Variants in DCUN1D4 observed in about 807,000 individuals in gnomAD.
DCUN1D4 encodes the protein DCN1-like protein 4.
Under a neutral mutation model 47.9 loss-of-function variants are expected in DCUN1D4, and 22 were observed. The ratio of observed to expected loss-of-function variants is 0.46; its 90% CI spans 0.33 to 0.66. The LOEUF (loss-of-function observed/expected upper bound fraction) is 0.66. Among genes scored for constraint, DCUN1D4 ranks in the 30% least tolerant of loss-of-function variants. DCUN1D4 has a pLI of 0.02. For missense variants in DCUN1D4, 301 were observed against 340.8 expected, an observed-to-expected ratio of 0.88 and a Z score of 0.92; for synonymous variants, 121 against 112.2, an observed-to-expected ratio of 1.08 and a Z score of -0.50.
upstream of DCUN1D4, among the ~76,000 whole-genome samples, chr4:51,841,864 G>A (rs1420336543): frequency 2.6e-5 from 4 of 151,774 alleles, no homozygotes; most frequent in Admixed American, 1.3e-4. Context: ...TGTGATTTGT[G>A]GTGTCACCTA....
At chr4:51,856,997 A>G (rs911550382) in intron 1 of DCUN1D4, among the ~76,000 whole-genome samples, 2 of 152,200 alleles carry the variant, frequency 1.3e-5, no homozygotes, top group South Asian at 2.1e-4. Flanking sequence ...ACTTCAGTTT[A>G]GGGACCATGT....
intron 3 of DCUN1D4, among the ~76,000 whole-genome samples, chr4:51,866,142 C>T (rs1725866934): frequency 6.6e-6 from 1 of 152,128 alleles, no homozygotes; most frequent in Admixed American, 6.5e-5. Context: ...CTAAGGGTCC[C>T]TTCACCTGAT....
At chr4:51,842,649 A>G (rs1286956826), upstream of DCUN1D4, among the ~76,000 whole-genome samples, 2 of 152,028 alleles carry the variant, frequency 1.3e-5, no homozygotes, top group Non-Finnish European at 2.9e-5. Context: ...GTGGCGGGAG[A>G]CCCGGCCGCG....
upstream of DCUN1D4, among the ~76,000 whole-genome samples, chr4:51,841,506 G>A (rs1721650260): frequency 6.6e-6 from 1 of 152,110 alleles, no homozygotes; most frequent in South Asian, 2.1e-4. Context: ...TGATCAATAA[G>A]GATGTTCTAT....
At chr4:51,866,458 A>T (rs1044744420) in intron 3 of DCUN1D4, among the ~76,000 whole-genome samples, 1 of 152,062 alleles carries the variant, frequency 6.6e-6, no homozygotes, top group African/African-American at 2.4e-5. Context: ...CCACTTTTCC[A>T]CTCAGTATAT....
chr4:51,891,004 A>G (rs1013996472), intron 6 of DCUN1D4, among the ~76,000 whole-genome samples: 3 of 152,238 alleles, frequency 2.0e-5, no homozygotes, highest in African/African-American at 7.2e-5. Flanking sequence ...TGATGACACC[A>G]TGCCACAGAC....
At chr4:51,903,866 C>G (rs1732477285) in intron 8 of DCUN1D4, among the ~76,000 whole-genome samples, 1 of 152,090 alleles carries the variant, frequency 6.6e-6, no homozygotes, top group Non-Finnish European at 1.5e-5. Context: ...CTCTCCCCAT[C>G]ATGATAATAT....
chr4:51,877,822 A>G lies in DCUN1D4; in HGVS notation c.311A>G (p.Lys104Arg). 2 of 1,612,366 alleles carry G rather than the reference A, an allele frequency of 1.2e-6. No individual in the cohort carries two copies. The highest frequency in any genetic ancestry group is 1.7e-6 in the Non-Finnish European group (2 of 1,179,146). The change falls in exon 5 of 11, where the codon AAA (lysine) becomes AGA (arginine). Residue 104 changes from lysine (K) to arginine (R), a missense_variant. Lys to Arg is a conservative substitution (Grantham distance 26). This residue lies in a region of DCUN1D4 where 170 missense variants were observed against 234.5 expected (regional missense o/e 0.73). Transcript: ENST00000334635. ...IKTEEEAFSS[K>R]RCLEWFYEYA... ...ACTGAAGAAGAAGCCTTTTCAAGTA[A>G]AAGGTGCTTGGAATGGTTCTATGAA...
upstream of DCUN1D4, among the ~76,000 whole-genome samples, chr4:51,841,038 C>T (rs933267350): frequency 2.0e-5 from 3 of 152,172 alleles, no homozygotes; most frequent in African/African-American, 7.2e-5. Flanking sequence ...GTGTTGGGAG[C>T]TGGGGCAAAG....
At chr4:51,844,410 G>C in intron 1 of DCUN1D4, 1 of 984,364 alleles carries the variant, frequency 1.0e-6, no homozygotes, top group Non-Finnish European at 1.2e-6. Context: ...GTCAGCGCTG[G>C]CGCGGGCTCC....
At chr4:51,854,228 G>A (rs2109840186) in intron 1 of DCUN1D4, among the ~76,000 whole-genome samples, 1 of 152,310 alleles carries the variant, frequency 6.6e-6, no homozygotes, top group Middle Eastern at 3.4e-3. Flanking sequence ...AGCATACAGA[G>A]TTGTAAATTG....
At chr4:51,900,036 A>AT (rs1731861016) in intron 8 of DCUN1D4, among the ~76,000 whole-genome samples, 1 of 152,200 alleles carries the variant, frequency 6.6e-6, no homozygotes, top group African/African-American at 2.4e-5. Flanking sequence ...TCTATATCCC[A>AT]TACAATTACA....
At chr4:51,839,545 G>A (rs779774970), upstream of DCUN1D4, among the ~76,000 whole-genome samples, 2 of 152,132 alleles carry the variant, frequency 1.3e-5, no homozygotes, top group Non-Finnish European at 1.5e-5. Context: ...GGTCATATTT[G>A]GAGAAAGAAA....
intron 7 of DCUN1D4, among the ~76,000 whole-genome samples, chr4:51,896,013 G>A (rs1731214611): frequency 6.6e-6 from 1 of 152,084 alleles, no homozygotes; most frequent in South Asian, 2.1e-4. Flanking sequence ...TGTGGTTCTG[G>A]ACAGGGTGAC....
At chr4:51,890,312 C>G (rs1449504803) in intron 6 of DCUN1D4, among the ~76,000 whole-genome samples, 8 of 152,216 alleles carry the variant, frequency 5.3e-5, no homozygotes, top group Non-Finnish European at 1.2e-4. Flanking sequence ...TAGCCGCCAT[C>G]TGACCCAGTT....
chr4:51,896,105 A>G (rs1731226175), intron 7 of DCUN1D4, among the ~76,000 whole-genome samples: 1 of 152,176 alleles, frequency 6.6e-6, no homozygotes, highest in South Asian at 2.1e-4. Context: ...TAAACTCTGT[A>G]TTGGCAACAT....
At chr4:51,862,118 GC>G (rs1725163495) in intron 1 of DCUN1D4, among the ~76,000 whole-genome samples, 1 of 152,198 alleles carries the variant, frequency 6.6e-6, no homozygotes, top group Non-Finnish European at 1.5e-5. Context: ...AGAGCTTGAG[GC>G]CCTGCTCTGG....
At chr4:51,844,428 G>A (rs978478803) in intron 1 of DCUN1D4, 27 of 983,770 alleles carry the variant, frequency 2.7e-5, no homozygotes, top group South Asian at 4.7e-5. Flanking sequence ...TCCGGCAGCG[G>A]GACTAGGAGG....
chr4:51,843,552 C>A (rs891721670), intron 1 of DCUN1D4: 70 of 1,232,488 alleles, frequency 5.7e-5, no homozygotes, highest in Non-Finnish European at 6.9e-5. Flanking sequence ...GCTGGACGTG[C>A]GATGAAGGGC....
Sources: gnomAD v4.1 joint callset for allele counts (sites outside exome capture counted in the v4.1 genomes callset) on GRCh38, gnomAD v4.1.1 for gene constraint, gnomAD v4.1.1 regional missense constraint, MANE v1.5 for transcripts, NCBI Gene and HGNC (gene_info 2026-07-23, HGNC 2026-07-21) for gene names.